Variants in COMMD10 observed in about 807,000 individuals in gnomAD.
The protein encoded by COMMD10 is COMM domain containing 10, also known as COMM domain-containing protein 10.
COMMD10 carries 33 observed loss-of-function variants against 28.9 expected under a neutral mutation model. The observed-to-expected ratio is 1.14, with a 90% CI of 0.87 to 1.53. The LOEUF is 1.53. COMMD10 is among the 40% of genes most tolerant of loss of function. COMMD10 has a pLI of 0.00. For missense variants in COMMD10, 310 were observed against 233.4 expected (o/e 1.33, Z -2.14); for synonymous variants, 110 against 81.7 (o/e 1.35, Z -1.87).
At chr5:116,113,648 A>G (rs1580455344) in intron 4 of COMMD10, among the ~76,000 whole-genome samples, 1 of 152,042 alleles carries the variant, frequency 6.6e-6, no homozygotes, top group South Asian at 2.1e-4. Flanking sequence ...TTTTTTAAAG[A>G]CGTCTATCTC....
chr5:116,276,849 G>T (rs925430375), intron 5 of COMMD10, among the ~76,000 whole-genome samples: 2 of 151,696 alleles, frequency 1.3e-5, no homozygotes, highest in Non-Finnish European at 2.9e-5. Context: ...GGTTACCTAG[G>T]ACCGGGAGAG....
intron 5 of COMMD10, among the ~76,000 whole-genome samples, chr5:116,235,128 A>C (rs1209150384): frequency 6.6e-6 from 1 of 152,190 alleles, no homozygotes; most frequent in Non-Finnish European, 1.5e-5. Flanking sequence ...TCCATCTGTG[A>C]AATGTGCTGA....
intron 5 of COMMD10, among the ~76,000 whole-genome samples, chr5:116,213,579 C>T (rs1316654780): frequency 1.3e-5 from 2 of 152,262 alleles, no homozygotes; most frequent in African/African-American, 4.8e-5. Context: ...ATTTTCAAGT[C>T]TGTAACCCAT....
intron 5 of COMMD10, among the ~76,000 whole-genome samples, chr5:116,272,295 C>G (rs935807575): frequency 1.3e-5 from 2 of 151,798 alleles, no homozygotes; most frequent in Non-Finnish European, 2.9e-5. Flanking sequence ...GGAGGCAAAT[C>G]AGGTTTGTAA....
intron 5 of COMMD10, among the ~76,000 whole-genome samples, chr5:116,186,853 G>C (rs1185002081): frequency 6.6e-6 from 1 of 152,094 alleles, no homozygotes; most frequent in African/African-American, 2.4e-5. Context: ...AACTATTAGT[G>C]ATTCCACTAG....
intron 5 of COMMD10, among the ~76,000 whole-genome samples, chr5:116,264,134 C>T (rs1295289263): frequency 2.0e-5 from 3 of 151,890 alleles, no homozygotes; most frequent in East Asian, 3.9e-4. Context: ...TCAAACTCTT[C>T]TGTTTCCCAA....
At chr5:116,107,432 T>C (rs1384709714) in intron 4 of COMMD10, among the ~76,000 whole-genome samples, 1 of 152,222 alleles carries the variant, frequency 6.6e-6, no homozygotes, top group African/African-American at 2.4e-5. Context: ...TGAGTTGATC[T>C]TCAATATCTG....
rs555874402 is a variant in COMMD10, at chr5:116,254,765, G to C, written c.511-36752G>C. Reference sequence around the variant, plus strand: ...GGTGTGGTGTGGTGCTGACAAAAATGTATATTCTGTTGATTTGGGGTGGAG... The same window carrying C: ...GGTGTGGTGTGGTGCTGACAAAAATCTATATTCTGTTGATTTGGGGTGGAG... On this transcript the variant is annotated intron_variant, in intron 5 of 6. Transcript: ENST00000274458. Among the ~76,000 whole-genome samples the C allele has an allele frequency of 4.9e-4, 75 of 151,864 alleles. 3 individuals are homozygous for C. Among genetic ancestry groups the C allele is most frequent in the African/African-American group, 1.8e-3 (73 of 41,214 alleles).
chr5:116,131,340 C>T (rs542079872), intron 4 of COMMD10, among the ~76,000 whole-genome samples: 1 of 151,616 alleles, frequency 6.6e-6, no homozygotes, highest in African/African-American at 2.4e-5. Context: ...TCTGGACATG[C>T]TTTGGCCTGC....
intron 5 of COMMD10, among the ~76,000 whole-genome samples, chr5:116,164,120 T>C (rs1172040319): frequency 6.6e-6 from 1 of 152,074 alleles, no homozygotes; most frequent in Admixed American, 6.6e-5. Flanking sequence ...AGTTCTGGAC[T>C]AGCTCTGCAA....
At chr5:116,094,233 A>T (rs1487280944) in intron 4 of COMMD10, among the ~76,000 whole-genome samples, 3 of 152,200 alleles carry the variant, frequency 2.0e-5, no homozygotes, top group Non-Finnish European at 1.5e-5. Flanking sequence ...ATGAAGACAC[A>T]ACCTGACAAA....
chr5:116,097,718 G>A (rs1561598500), intron 4 of COMMD10, among the ~76,000 whole-genome samples: 1 of 152,130 alleles, frequency 6.6e-6, no homozygotes. Context: ...GCTGGCATCT[G>A]CTTGGCTTCT....
chr5:116,285,796 C>T (rs539307100), intron 5 of COMMD10, among the ~76,000 whole-genome samples: 7 of 151,800 alleles, frequency 4.6e-5, no homozygotes, highest in East Asian at 1.9e-4. Flanking sequence ...AGGATTTTTG[C>T]GTCAATACTT....
intron 5 of COMMD10, among the ~76,000 whole-genome samples, chr5:116,286,989 T>C (rs1003459952): frequency 1.3e-5 from 2 of 151,860 alleles, no homozygotes; most frequent in African/African-American, 4.9e-5. Context: ...GTCAAATTTC[T>C]TCAATCCTGC....
intron 5 of COMMD10, among the ~76,000 whole-genome samples, chr5:116,201,013 CTG>C (rs1748651445): frequency 6.6e-6 from 1 of 152,162 alleles, no homozygotes; most frequent in Admixed American, 6.6e-5. Flanking sequence ...TGCCTCTTGA[CTG>C]TGAATTTCAC....
chr5:116,132,054 G>GGGAT (rs1253311308), intron 4 of COMMD10, among the ~76,000 whole-genome samples: 1 of 151,880 alleles, frequency 6.6e-6, no homozygotes, highest in Non-Finnish European at 1.5e-5. Context: ...GAAGGGAAGT[G>GGGAT]GGATGATGGG....
intron 5 of COMMD10, among the ~76,000 whole-genome samples, chr5:116,249,029 T>C (rs547489981): frequency 5.3e-5 from 8 of 151,984 alleles, no homozygotes; most frequent in South Asian, 4.1e-4. Flanking sequence ...GTTAATGATA[T>C]TGTCTTTAGC....
At chr5:116,244,998 G>A (rs1749905420) in intron 5 of COMMD10, among the ~76,000 whole-genome samples, 1 of 151,518 alleles carries the variant, frequency 6.6e-6, no homozygotes, top group Non-Finnish European at 1.5e-5. Context: ...CTGAATTGAA[G>A]GAGATTGAGA....
chr5:116,169,954 C>T (rs1462643291), intron 5 of COMMD10, among the ~76,000 whole-genome samples: 1 of 152,102 alleles, frequency 6.6e-6, no homozygotes, highest in African/African-American at 2.4e-5. Flanking sequence ...TCTCTCACCA[C>T]CCCTATTCAT....
Sources: gnomAD v4.1 joint callset for allele counts (sites outside exome capture counted in the v4.1 genomes callset) on GRCh38, gnomAD v4.1.1 for gene constraint, MANE v1.5 for transcripts, NCBI Gene and HGNC (gene_info 2026-07-23, HGNC 2026-07-21) for gene names.